The following ROBO1 variants were observed in gnomAD, a reference collection of about 807,000 sequenced individuals.
The protein encoded by ROBO1 is roundabout guidance receptor 1.
Under a neutral mutation model 195.9 loss-of-function variants are expected in ROBO1, and 149 were observed. The observed-to-expected ratio is 0.76, with a 90% confidence interval of 0.67 to 0.87. The LOEUF (loss-of-function observed/expected upper bound fraction) is 0.87, where lower values mean the gene tolerates loss of function less well. Among genes scored for constraint, ROBO1 ranks in the 40% least tolerant of loss-of-function variants. The probability of loss-of-function intolerance (pLI) is 0.00; values close to 1 mark genes in which losing one functional copy is unlikely to be tolerated. For missense variants in ROBO1, 1,933 were observed against 2,068.3 expected, an observed-to-expected ratio of 0.93 and a Z score of 1.27; for synonymous variants, 816 against 733.2, an observed-to-expected ratio of 1.11 and a Z score of -1.82.
chr3:78,687,481 T>A (rs937692266), intron 9 of ROBO1, among the ~76,000 whole-genome samples: 6 of 152,172 alleles, frequency 3.9e-5, no homozygotes, highest in Admixed American at 3.9e-4. Context: ...AAATGACCTG[T>A]TTTTTATAAG....
At chr3:78,774,594 A>G (rs1307131429) in intron 4 of ROBO1, among the ~76,000 whole-genome samples, 1 of 140,170 alleles carries the variant, frequency 7.1e-6, no homozygotes, top group African/African-American at 2.6e-5. Context: ...ACAGGTGCTA[A>G]AATGTTTTTA....
chr3:79,013,943 C>T (rs1039688479), intron 3 of ROBO1, among the ~76,000 whole-genome samples: 18 of 151,968 alleles, frequency 1.2e-4, no homozygotes, highest in African/African-American at 4.8e-5. Context: ...TAAGCAAAAG[C>T]GTTACCATAC....
At chr3:79,761,680 T>C (rs1203990524) in intron 1 of ROBO1, among the ~76,000 whole-genome samples, 1 of 152,232 alleles carries the variant, frequency 6.6e-6, no homozygotes, top group African/African-American at 2.4e-5. Flanking sequence ...GATGCAGGAC[T>C]CTTGTACTTC....
intron 1 of ROBO1, among the ~76,000 whole-genome samples, chr3:79,608,962 T>G (rs1376619681): frequency 6.6e-6 from 1 of 152,062 alleles, no homozygotes; most frequent in South Asian, 2.1e-4. Flanking sequence ...GGAGATGTCT[T>G]ACAGTGTTAC....
intron 2 of ROBO1, among the ~76,000 whole-genome samples, chr3:79,466,063 T>C (rs1937941361): frequency 6.6e-6 from 1 of 151,884 alleles, no homozygotes; most frequent in African/African-American, 2.4e-5. Flanking sequence ...AAATTTAAAA[T>C]GTTGAGATCC....
intron 1 of ROBO1, among the ~76,000 whole-genome samples, chr3:79,643,809 G>A (rs1034684194): frequency 2.6e-5 from 4 of 152,010 alleles, no homozygotes; most frequent in Admixed American, 6.6e-5. Flanking sequence ...CAGTAAGAAA[G>A]GAAGAAAAGA....
At chr3:79,366,946 G>A (rs2036000832) in intron 2 of ROBO1, among the ~76,000 whole-genome samples, 1 of 152,086 alleles carries the variant, frequency 6.6e-6, no homozygotes, top group African/African-American at 2.4e-5. Flanking sequence ...TATTGCACTT[G>A]GTCAGAAATA....
chr3:79,678,621 G>A (rs774325653), intron 1 of ROBO1, among the ~76,000 whole-genome samples: 19 of 152,100 alleles, frequency 1.2e-4, no homozygotes, highest in Middle Eastern at 6.8e-3. Flanking sequence ...TTAGGAATTT[G>A]CAAATAAGAA....
chr3:78,853,184 G>A (rs1016759968), intron 4 of ROBO1, among the ~76,000 whole-genome samples: 1 of 151,890 alleles, frequency 6.6e-6, no homozygotes, highest in African/African-American at 2.4e-5. Flanking sequence ...TTGAAGAGCA[G>A]GGGAGAAGAA....
At chr3:79,711,722 T>C (rs1388379508) in intron 1 of ROBO1, among the ~76,000 whole-genome samples, 2 of 152,112 alleles carry the variant, frequency 1.3e-5, no homozygotes, top group Non-Finnish European at 2.9e-5. Context: ...TTCAGAAATA[T>C]TGCATTTTAC....
At chr3:78,944,734 G>T (rs919415770) in intron 3 of ROBO1, among the ~76,000 whole-genome samples, 4 of 152,232 alleles carry the variant, frequency 2.6e-5, no homozygotes, top group African/African-American at 9.6e-5. Flanking sequence ...CCCAGGAAGC[G>T]CAAGGGGTCA....
At chr3:78,895,855 A>T (rs1327568529) in intron 4 of ROBO1, among the ~76,000 whole-genome samples, 1 of 152,238 alleles carries the variant, frequency 6.6e-6, no homozygotes. Flanking sequence ...CTACTTGGCA[A>T]GAGAAGTAAA....
chr3:79,447,467 T>C (rs920196982), intron 2 of ROBO1, among the ~76,000 whole-genome samples: 58 of 152,152 alleles, frequency 3.8e-4, no homozygotes, highest in African/African-American at 1.4e-3. Flanking sequence ...ACAAGTGGTA[T>C]CGAAAAAAGG....
intron 2 of ROBO1, among the ~76,000 whole-genome samples, chr3:79,310,188 G>T (rs2033415463): frequency 6.6e-6 from 1 of 152,080 alleles, no homozygotes. Context: ...AACACTACTG[G>T]ACCATAACAT....
chr3:79,496,478 G>A (rs985168639), intron 2 of ROBO1, among the ~76,000 whole-genome samples: 9 of 139,708 alleles, frequency 6.4e-5, no homozygotes, highest in African/African-American at 2.5e-4. Context: ...CCGCTTCCCG[G>A]GTTCACGCCA....
chr3:79,733,034 A>G (rs1319300615), intron 1 of ROBO1, among the ~76,000 whole-genome samples: 1 of 152,136 alleles, frequency 6.6e-6, no homozygotes, highest in Non-Finnish European at 1.5e-5. Context: ...TAACTAACCA[A>G]AGATTTCCTA....
intron 4 of ROBO1, among the ~76,000 whole-genome samples, chr3:78,807,937 G>A (rs1238023212): frequency 1.5e-5 from 2 of 135,690 alleles, no homozygotes; most frequent in East Asian, 2.2e-4. Flanking sequence ...ACATCAACAA[G>A]ATTTGTCATT....
At chr3:79,709,373 A>G (rs11127660) in intron 1 of ROBO1, among the ~76,000 whole-genome samples, 42,850 of 151,994 alleles carry the variant, frequency 0.28, 7,622 homozygotes, top group East Asian at 0.57. Flanking sequence ...TTAATTTAGA[A>G]TAGAGGAATC....
At chr3:79,286,689 A>C (rs1214292554) in intron 2 of ROBO1, among the ~76,000 whole-genome samples, 3 of 152,192 alleles carry the variant, frequency 2.0e-5, no homozygotes, top group African/African-American at 7.2e-5. Flanking sequence ...GGCATTTCCT[A>C]ACGCCTGCCC....
Sources: allele counts gnomAD v4.1 joint callset (sites outside exome capture counted in the v4.1 genomes callset), GRCh38; gene constraint gnomAD v4.1.1; transcripts MANE v1.5; gene names NCBI Gene and HGNC (gene_info 2026-07-23, HGNC 2026-07-21).